Variants in OPCML observed in about 807,000 individuals in gnomAD.
OPCML encodes the protein opioid-binding protein/cell adhesion molecule.
Under a neutral mutation model 37.8 loss-of-function variants are expected in OPCML, and 13 were observed. The observed-to-expected ratio is 0.34, with a 90% confidence interval of 0.22 to 0.55. OPCML has a LOEUF of 0.55. OPCML is among the 20% of genes least tolerant of loss of function. The pLI, the probability that OPCML is intolerant of heterozygous loss-of-function variation, is 0.91. For synonymous variants in OPCML, 176 were observed against 168.8 expected (o/e 1.04, Z -0.33); for missense variants, 341 against 435.6 (o/e 0.78, Z 1.93).
At chr11:133,140,994 A>AGAC (rs1177428334) in intron 1 of OPCML, among the ~76,000 whole-genome samples, 115 of 4,078 alleles carry the variant, frequency 0.028, 45 homozygotes, top group Middle Eastern at 0.1. Context: ...AAGAAGAAGA[A>AGAC]GAAGACGACG....
At chr11:133,209,119 A>C (rs1939243999) in intron 1 of OPCML, among the ~76,000 whole-genome samples, 1 of 152,196 alleles carries the variant, frequency 6.6e-6, no homozygotes, top group South Asian at 2.1e-4. Flanking sequence ...ATGTGCCATT[A>C]TATCGCTTAA....
At chr11:132,984,584 C>A (rs951262924) in intron 1 of OPCML, among the ~76,000 whole-genome samples, 1 of 152,176 alleles carries the variant, frequency 6.6e-6, no homozygotes, top group Admixed American at 6.5e-5. Context: ...TGCCTGGCAG[C>A]CACAGCTGTA....
At chr11:132,598,041 A>T (rs1277348299) in intron 3 of OPCML, among the ~76,000 whole-genome samples, 1 of 152,130 alleles carries the variant, frequency 6.6e-6, no homozygotes, top group Non-Finnish European at 1.5e-5. Flanking sequence ...TTGCTCCAGC[A>T]ACCCTCGCTC....
intron 1 of OPCML, among the ~76,000 whole-genome samples, chr11:133,290,966 G>A (rs1244960596): frequency 6.6e-6 from 1 of 152,240 alleles, no homozygotes; most frequent in East Asian, 1.9e-4. Flanking sequence ...TGTGTTTTCA[G>A]ACATCAGCCT....
intron 1 of OPCML, among the ~76,000 whole-genome samples, chr11:133,125,695 A>AGT (rs1270414121): frequency 3.8e-5 from 1 of 26,126 alleles, no homozygotes; most frequent in Non-Finnish European, 9.4e-5. Context: ...TAGTATATAT[A>AGT]GTATATATAT....
chr11:132,533,293 C>T lies in OPCML; in HGVS notation c.380-4107G>A, dbSNP rs576289261. On this transcript the variant is annotated intron_variant, in intron 3 of 7. Transcript: ENST00000524381. The stretch of plus-strand genomic sequence containing the variant: ...AGGGTTCAATGCACAACTACGGTAA[C>T]TTCAAAATGTGGTCATTTTGGATAG... 9.9e-4 allele frequency among the ~76,000 whole-genome samples: 151 copies of T among 152,198 alleles called. 3 individuals carry two copies. In the South Asian group the frequency reaches 0.03, roughly 31 times the overall value.
intron 1 of OPCML, among the ~76,000 whole-genome samples, chr11:133,020,104 T>C (rs1174977845): frequency 6.6e-6 from 1 of 152,222 alleles, no homozygotes; most frequent in African/African-American, 2.4e-5. Flanking sequence ...TCGCCAGAGC[T>C]AATGAGTGGC....
At chr11:132,624,749 A>C (rs181703129) in intron 3 of OPCML, among the ~76,000 whole-genome samples, 503 of 152,240 alleles carry the variant, frequency 3.3e-3, no homozygotes, top group Middle Eastern at 6.8e-3. Flanking sequence ...CAAACATCTC[A>C]GTTCCTGCAG....
chr11:133,411,987 C>T lies in OPCML; in HGVS notation c.61+120277G>A, dbSNP rs556965118. Among the ~76,000 whole-genome samples, 29 of 152,188 alleles carry T rather than the reference C, an allele frequency of 1.9e-4. No homozygotes were observed. The South Asian group carries it at 5.8e-3, about 30-fold the overall frequency. The stretch of plus-strand genomic sequence containing the variant: ...GTCATGGAGGCAGCTACTTATTTGC[C>T]ACCCCCTCCAGATCTGTCTATCCAT... On this transcript the variant is annotated intron_variant, in intron 1 of 7. Coordinates refer to ENST00000524381, the MANE Select transcript of OPCML (RefSeq NM_001012393.5).
At chr11:132,672,377 G>A (rs555190336) in intron 2 of OPCML, among the ~76,000 whole-genome samples, 14 of 152,248 alleles carry the variant, frequency 9.2e-5, no homozygotes, top group South Asian at 2.1e-4. Flanking sequence ...GCAGTAATAC[G>A]CAAGGGAAAC....
At chr11:132,801,283 AGTCT>A (rs1938633920) in intron 2 of OPCML, among the ~76,000 whole-genome samples, 1 of 152,202 alleles carries the variant, frequency 6.6e-6, no homozygotes, top group Admixed American at 6.5e-5. Flanking sequence ...TCTCTTTCCC[AGTCT>A]AGCTAAAGGC....
intron 3 of OPCML, among the ~76,000 whole-genome samples, chr11:132,580,597 C>T (rs949372355): frequency 6.6e-6 from 1 of 152,092 alleles, no homozygotes; most frequent in Non-Finnish European, 1.5e-5. Context: ...TTTATTAACA[C>T]CTTTTGCCTT....
At chr11:133,338,466 C>T (rs1943791260) in intron 1 of OPCML, among the ~76,000 whole-genome samples, 1 of 152,148 alleles carries the variant, frequency 6.6e-6, no homozygotes, top group Non-Finnish European at 1.5e-5. Flanking sequence ...GCTCTGCTGC[C>T]TTGTTCCTGA....
rs59590100 is a variant in OPCML, at chr11:132,902,012, C to T, written c.146+40914G>A. 8.2e-3 allele frequency among the ~76,000 whole-genome samples: 1,253 copies of T among 152,272 alleles called. 11 individuals are homozygous for T. Among genetic ancestry groups the T allele is most frequent in the African/African-American group, 0.029 (1,197 of 41,550 alleles). ...TTGCGTCATGGGGCATTATGTAATT[C>T]CTTTTTACTCCAGCATAAGGTAAAT... On this transcript the variant is annotated intron_variant, in intron 2 of 7. Coordinates refer to ENST00000524381, the MANE Select transcript of OPCML (RefSeq NM_001012393.5).
chr11:133,012,170 G>T (rs1369394906), intron 1 of OPCML, among the ~76,000 whole-genome samples: 1 of 152,088 alleles, frequency 6.6e-6, no homozygotes, highest in Non-Finnish European at 1.5e-5. Flanking sequence ...TGACATTTAG[G>T]GGTTTGAGGT....
At chr11:133,370,886 C>A (rs1194826604) in intron 1 of OPCML, among the ~76,000 whole-genome samples, 3 of 152,122 alleles carry the variant, frequency 2.0e-5, no homozygotes, top group Admixed American at 6.5e-5. Flanking sequence ...AAGAGACAAC[C>A]TTTTGAATGG....
At chr11:132,423,138 A>C (rs563787642) in intron 7 of OPCML, among the ~76,000 whole-genome samples, 2 of 152,318 alleles carry the variant, frequency 1.3e-5, no homozygotes, top group African/African-American at 4.8e-5. Flanking sequence ...TTTGCACTTC[A>C]GAATTCCATC....
intron 1 of OPCML, among the ~76,000 whole-genome samples, chr11:133,043,960 G>A (rs1947956096): frequency 6.6e-6 from 1 of 152,184 alleles, no homozygotes; most frequent in South Asian, 2.1e-4. Context: ...TGAATCGAGG[G>A]GGGCACAGCA....
At chr11:133,361,110 G>T (rs1186600058) in intron 1 of OPCML, 1 of 152,378 alleles carries the variant, frequency 6.6e-6, no homozygotes, top group Non-Finnish European at 1.5e-5. Flanking sequence ...CCCGCTTGTT[G>T]TAAAGGCCGG....
Sources: gnomAD v4.1 joint callset for allele counts (sites outside exome capture counted in the v4.1 genomes callset) on GRCh38, gnomAD v4.1.1 for gene constraint, MANE v1.5 for transcripts, NCBI Gene and HGNC (gene_info 2026-07-23, HGNC 2026-07-21) for gene names.